PFKM: variants seen among roughly 807,000 people sequenced by gnomAD.
PFKM encodes the protein ATP-dependent 6-phosphofructokinase, muscle type.
PFKM carries 58 observed loss-of-function variants against 95.5 expected under a neutral mutation model. The observed-to-expected ratio is 0.61, with a 90% CI of 0.49 to 0.76. The LOEUF is 0.76. Among genes scored for constraint, PFKM ranks in the 30% least tolerant of loss-of-function variants. The pLI, the probability that PFKM is intolerant of heterozygous loss-of-function variation, is 0.00. For missense variants in PFKM, 678 were observed against 1,005.4 expected (o/e 0.67, Z 4.40); for synonymous variants, 336 against 357.2 (o/e 0.94, Z 0.67).
chr12:48,129,061 G>A (rs750391246), intron 2 of PFKM, among the ~76,000 whole-genome samples: 14 of 152,024 alleles, frequency 9.2e-5, no homozygotes, highest in African/African-American at 1.5e-4. Context: ...ATGTTGGGAC[G>A]GGTTGGCTTT....
intron 4 of PFKM, 54 bp from the exon 5 acceptor site, chr12:48,132,814 A>C: frequency 6.9e-7 from 1 of 1,453,000 alleles, no homozygotes; most frequent in Middle Eastern, 1.7e-4. Context: ...AATAGGGGAT[A>C]TCTCAGCATG....
In PFKM at chr12:48,130,407, A is replaced by AC. The variant is rs1410818048; in HGVS notation, c.132dup (p.Gly45ArgfsTer9). On this transcript the variant is annotated frameshift_variant, in exon 3 of 23. Coordinates refer to ENST00000359794, the MANE Select transcript of PFKM (RefSeq NM_000289.6). LOFTEE classifies it high-confidence loss of function. ...GGCTGTGGTTCGAGTTGGTATCTTC[A>AC]CCGGTGCCCGTGTCTTCTTTGTCCA... 6.2e-7 allele frequency: 1 copy of AC among 1,613,616 alleles called. No homozygotes were observed. Among genetic ancestry groups the AC allele is most frequent in the African/African-American group, 1.3e-5 (1 of 74,916 alleles).
At chr12:48,141,594 C>A in intron 15 of PFKM, 146 bp from the exon 16 acceptor site, 10 of 791,218 alleles carry the variant, frequency 1.3e-5, no homozygotes, top group Middle Eastern at 2.3e-4. Context: ...TTGGATAGGA[C>A]TGAGAGGGTG....
In PFKM at chr12:48,140,059, AT is replaced by A. The variant is rs1198000836; in HGVS notation, c.1191+148del. The A allele has an allele frequency of 4.9e-5, 32 of 656,010 alleles. No individual in the cohort carries two copies. The African/African-American group carries it at 5.4e-4, about 11-fold the overall frequency. 40.6% of individuals were successfully genotyped at this position (656,010 alleles called of 1,614,324 possible). ...TCAGTGCTGGGTCCCTGGCCCTATT[AT>A]AATGATTTCCTCTTAACCACCCCAG... On this transcript the variant is annotated intron_variant, in intron 13 of 22. Coordinates refer to ENST00000359794, the MANE Select transcript of PFKM (RefSeq NM_000289.6).
Position 48,145,172 on chromosome 12 carries a change from C to A in PFKM, c.2093-38C>A. ...CGAGTGCCCTCTATAGAGGCTGGTT[C>A]CCCAGTATAGAAGCTGACTGCCCAT... On this transcript the variant is annotated intron_variant, in intron 21 of 22. Coordinates refer to ENST00000359794, the MANE Select transcript of PFKM (RefSeq NM_000289.6). This position sits in a 1 kb window ranked among gnomAD's most constrained non-coding sequence, Gnocchi z 4.3. The A allele has an allele frequency of 6.2e-7, 1 of 1,609,486 alleles. No individual in the cohort carries two copies. The highest frequency in any genetic ancestry group is 8.5e-7 in the Non-Finnish European group (1 of 1,175,774).
chr12:48,106,871 C>T (rs1277862117), intron 1 of PFKM, among the ~76,000 whole-genome samples: 3 of 152,152 alleles, frequency 2.0e-5, no homozygotes, highest in African/African-American at 7.2e-5. Flanking sequence ...AGAGAAGGAC[C>T]CAGGAATCAC....
At chr12:48,144,632 G>T (rs996969634) in intron 20 of PFKM, among the ~76,000 whole-genome samples, 1 of 152,172 alleles carries the variant, frequency 6.6e-6, no homozygotes, top group African/African-American at 2.4e-5. Context: ...ATTCTGAGGT[G>T]CTACCAAGGG....
upstream of PFKM, chr12:48,118,416 T>C (rs1393236768): frequency 7.3e-6 from 6 of 826,800 alleles, no homozygotes; most frequent in Admixed American, 8.1e-5. Context: ...GAACAAATGC[T>C]TTTATTTTGT....
chr12:48,118,668 T>TA, upstream of PFKM: 1 of 742,640 alleles, frequency 1.3e-6, no homozygotes, highest in Non-Finnish European at 2.3e-6. Context: ...GCCCAATTTA[T>TA]ATGTTTGCTT....
chr12:48,134,758 G>A lies in PFKM; in HGVS notation c.676G>A (p.Asp226Asn), dbSNP rs751714955. 14 of 1,614,082 alleles carry A rather than the reference G, an allele frequency of 8.7e-6. No individual in the cohort carries two copies. The highest frequency in any genetic ancestry group is 2.2e-5 in the East Asian group (1 of 44,878). Residue 226 changes from aspartate to asparagine, a missense_variant, in exon 8 of 23, where the codon GAC becomes AAC. Asp to Asn is a conservative substitution (Grantham distance 23). Coordinates refer to ENST00000359794, the MANE Select transcript of PFKM (RefSeq NM_000289.6). ...TGTCACCTCTCTGTCCTGTGGGGCC[G>A]ACTGGGTTTTTATTCCTGAATGTCC... ...ALVTSLSCGA[D>N]WVFIPECPPD...
In PFKM at chr12:48,134,784, A is replaced by T. The variant is rs138022863; in HGVS notation, c.702A>T (p.Pro234=). 3.0e-4 allele frequency: 492 copies of T among 1,614,062 alleles called. 3 individuals are homozygous for T. In the African/African-American group the frequency reaches 5.9e-3, roughly 19 times the overall value. The change falls in exon 8 of 23, where the codon CCA becomes CCT. Residue 234 remains proline, a synonymous_variant. Transcript: ENST00000359794. ...ACTGGGTTTTTATTCCTGAATGTCC[A>T]CCAGATGACGACTGGGAGGAACACC... ...GADWVFIPEC[P]PDDDWEEHLC...
At chr12:48,115,643 TATG>T (rs1268345292), upstream of PFKM, among the ~76,000 whole-genome samples, 1 of 152,204 alleles carries the variant, frequency 6.6e-6, no homozygotes, top group Non-Finnish European at 1.5e-5. Context: ...TCACTGGGGA[TATG>T]ATGGCTTAGC....
At chr12:48,134,693 AG>A in intron 7 of PFKM, 27 bp from the exon 8 acceptor site, 1 of 1,466,936 alleles carries the variant, frequency 6.8e-7, no homozygotes, top group Non-Finnish European at 9.6e-7. Context: ...TACAACTTCT[AG>A]CAGGATGCTT....
In PFKM at chr12:48,145,015, A is replaced by C; in HGVS notation, c.1993-16A>C. The C allele has an allele frequency of 6.4e-7, 1 of 1,568,220 alleles. No individual in the cohort carries two copies. On this transcript the variant is annotated splice_polypyrimidine_tract_variant and intron_variant, in intron 20 of 22. Transcript: ENST00000359794. This position sits in a 1 kb window ranked among gnomAD's most constrained non-coding sequence, Gnocchi z 4.3. ...TAGAGTCCTTCCCTCTGTAATTTTT[A>C]TGTTTCTTTCTCCAGGGTGGGAGCC...
chr12:48,139,776 G>A (rs1950416703), intron 12 of PFKM, 73 bp from the exon 13 acceptor site: 2 of 1,028,882 alleles, frequency 1.9e-6, no homozygotes, highest in Admixed American at 3.4e-5. Context: ...CAACACTTCA[G>A]ACCAGGATCT....
chr12:48,137,422 G>A, intron 10 of PFKM: 1 of 438,960 alleles, frequency 2.3e-6, no homozygotes, highest in Non-Finnish European at 4.2e-6. Flanking sequence ...CTCCTACCTT[G>A]TTTTGTCAAT....
At chr12:48,106,133 G>T in exon 1 of PFKM, 1 of 702,584 alleles carries the variant, frequency 1.4e-6, no homozygotes, top group Non-Finnish European at 2.6e-6. Flanking sequence ...CGGAAGAGTC[G>T]CTAGGTGGCT....
intron 5 of PFKM, 125 bp downstream of exon 5, chr12:48,133,182 G>T (rs1367365709): frequency 1.2e-5 from 15 of 1,266,332 alleles, no homozygotes; most frequent in Admixed American, 1.7e-5. Flanking sequence ...ACACAAATAG[G>T]CAGTCTTTGC....
chr12:48,106,481 C>T, intron 1 of PFKM: 1 of 329,144 alleles, frequency 3.0e-6, no homozygotes, highest in South Asian at 3.5e-5. Context: ...CAGATAGGGA[C>T]CTGAGATCTA....
Sources: gnomAD v4.1 joint callset for allele counts (sites outside exome capture counted in the v4.1 genomes callset) on GRCh38, gnomAD v4.1.1 for gene constraint, Gnocchi (gnomAD v3.1) non-coding constraint, MANE v1.5 for transcripts, NCBI Gene and HGNC (gene_info 2026-07-23, HGNC 2026-07-21) for gene names.